PSPH: variants seen among roughly 807,000 people sequenced by gnomAD.
PSPH encodes L-3-phosphoserine phosphatase.
A neutral mutation model predicts 23.4 loss-of-function variants in PSPH; 16 were observed. That is an observed-to-expected ratio of 0.68 (90% CI 0.46 to 1.04). PSPH has a LOEUF of 1.04. PSPH is among the 50% of genes least tolerant of loss of function. The pLI, the probability that PSPH is intolerant of heterozygous loss-of-function variation, is 0.00. For synonymous variants in PSPH, 68 were observed against 99.7 expected, an observed-to-expected ratio of 0.68 and a Z score of 1.89; for missense variants, 223 against 273.7, an observed-to-expected ratio of 0.81 and a Z score of 1.31.
At chr7:56,020,942 A>G in intron 4 of PSPH, 131 bp downstream of exon 4, 2 of 1,031,442 alleles carry the variant, frequency 1.9e-6, no homozygotes, top group South Asian at 2.9e-5. Context: ...AATATGTCAA[A>G]TTCAGCTCTA....
Position 56,015,008 on chromosome 7 carries a change from AC to A in PSPH, c.570+14del, listed in dbSNP as rs1236919708. On this transcript the variant is annotated intron_variant, in intron 7 of 7. Coordinates refer to ENST00000275605, the MANE Select transcript of PSPH (RefSeq NM_004577.4). ...AAGTACAACCTGAAAAAAAATTAGCACCCTTAATACATACAGCAGGAGGACA... is the reference window on the plus strand; with the variant it reads ...AAGTACAACCTGAAAAAAAATTAGCACCTTAATACATACAGCAGGAGGACA... 6.3e-7 allele frequency: 1 copy of A among 1,581,054 alleles called. No homozygotes were observed. Among genetic ancestry groups the A allele is most frequent in the Admixed American group, 1.8e-5 (1 of 56,716 alleles).
chr7:56,040,541 A>G (rs1326663886), intron 1 of PSPH, among the ~76,000 whole-genome samples: 2 of 151,988 alleles, frequency 1.3e-5, no homozygotes, highest in African/African-American at 2.4e-5. Context: ...TAATGGAAAA[A>G]GTGGGAGAAA....
At chr7:56,048,424 G>A (rs758143083) in intron 1 of PSPH, among the ~76,000 whole-genome samples, 19 of 152,112 alleles carry the variant, frequency 1.2e-4, no homozygotes, top group Non-Finnish European at 2.4e-4. Flanking sequence ...GTTCCAGACT[G>A]AAGAACATGA....
intron 1 of PSPH, among the ~76,000 whole-genome samples, chr7:56,038,421 T>C (rs993862677): frequency 1.3e-5 from 2 of 152,118 alleles, no homozygotes; most frequent in East Asian, 3.9e-4. Context: ...ATCGCGCCAC[T>C]GCACTCTAGC....
chr7:56,026,638 TA>T (rs541093748), intron 3 of PSPH, among the ~76,000 whole-genome samples: 93 of 143,770 alleles, frequency 6.5e-4, no homozygotes, highest in Non-Finnish European at 7.2e-4. Flanking sequence ...CTGTCTCTAT[TA>T]AAAAAAAAAA....
chr7:56,036,665 C>A (rs1435032595), intron 1 of PSPH, among the ~76,000 whole-genome samples: 6 of 152,072 alleles, frequency 3.9e-5, no homozygotes, highest in African/African-American at 1.4e-4. Flanking sequence ...AAATCTGCCA[C>A]CTCTTCATGG....
At chr7:56,024,502 T>TTGGGAGGCTGAGG (rs1789911690) in intron 3 of PSPH, among the ~76,000 whole-genome samples, 1 of 152,098 alleles carries the variant, frequency 6.6e-6, no homozygotes, top group African/African-American at 2.4e-5. Flanking sequence ...TTCTAGCACT[T>TTGGGAGGCTGAGG]TGGGAGGCTG....
chr7:56,024,112 A>G (rs1789846101), intron 3 of PSPH, among the ~76,000 whole-genome samples: 1 of 151,286 alleles, frequency 6.6e-6, no homozygotes, highest in Non-Finnish European at 1.5e-5. Flanking sequence ...TATTTTTAGT[A>G]GAGACGGGGT....
chr7:56,025,888 C>T (rs1345398512), intron 3 of PSPH, among the ~76,000 whole-genome samples: 1 of 152,130 alleles, frequency 6.6e-6, no homozygotes, highest in Non-Finnish European at 1.5e-5. Context: ...AGCCACCGCA[C>T]CCGGCCTATG....
At chr7:56,012,859 T>A (rs1448653213) in intron 7 of PSPH, among the ~76,000 whole-genome samples, 1 of 149,548 alleles carries the variant, frequency 6.7e-6, no homozygotes, top group East Asian at 2.1e-4. Flanking sequence ...CCTCCCAAAG[T>A]GCTGGGATTA....
At chr7:56,027,305 A>G (rs1450685301) in intron 3 of PSPH, among the ~76,000 whole-genome samples, 1 of 152,224 alleles carries the variant, frequency 6.6e-6, no homozygotes, top group Non-Finnish European at 1.5e-5. Flanking sequence ...CCAGAATCTC[A>G]AAGCCAGTCC....
At chr7:56,029,079 T>A (rs1183475099) in intron 3 of PSPH, among the ~76,000 whole-genome samples, 1 of 152,030 alleles carries the variant, frequency 6.6e-6, no homozygotes, top group African/African-American at 2.4e-5. Flanking sequence ...CCTCCCAAAG[T>A]GCTGGGATGA....
At chr7:56,018,914 G>A (rs1788948501) in intron 5 of PSPH, among the ~76,000 whole-genome samples, 1 of 151,788 alleles carries the variant, frequency 6.6e-6, no homozygotes, top group Non-Finnish European at 1.5e-5. Context: ...ATGCTGCAGT[G>A]AGCTCTATTC....
chr7:56,028,326 G>A (rs1271015775), intron 3 of PSPH, among the ~76,000 whole-genome samples: 1 of 152,096 alleles, frequency 6.6e-6, no homozygotes, highest in African/African-American at 2.4e-5. Flanking sequence ...CCTAGGTGAA[G>A]TGATCCTCCT....
intron 1 of PSPH, among the ~76,000 whole-genome samples, chr7:56,046,887 G>A (rs1256675539): frequency 6.6e-6 from 1 of 151,798 alleles, no homozygotes; most frequent in African/African-American, 2.4e-5. Context: ...AGTAGTGAGT[G>A]GGCAAGCCTG....
At chr7:56,041,840 C>T (rs1394989642) in intron 1 of PSPH, among the ~76,000 whole-genome samples, 1 of 151,966 alleles carries the variant, frequency 6.6e-6, no homozygotes, top group Non-Finnish European at 1.5e-5. Flanking sequence ...AGGAGAACTG[C>T]TTGAACTGGG....
chr7:56,029,998 A>G (rs1790748360), intron 3 of PSPH, among the ~76,000 whole-genome samples: 1 of 151,786 alleles, frequency 6.6e-6, no homozygotes, highest in Non-Finnish European at 1.5e-5. Context: ...AAAAGAAAAA[A>G]AAAAAAAAGA....
chr7:56,037,567 T>C (rs1472352724), intron 1 of PSPH, among the ~76,000 whole-genome samples: 1 of 151,866 alleles, frequency 6.6e-6, no homozygotes, highest in Admixed American at 6.6e-5. Flanking sequence ...CACAGGTGTG[T>C]GCCACCACAC....
chr7:56,034,075 A>C lies in PSPH; in HGVS notation c.-260T>G, dbSNP rs1423637806. 2.0e-5 allele frequency: 3 copies of C among 152,344 alleles called. No individual in the cohort carries two copies. Among genetic ancestry groups the C allele is most frequent in the Non-Finnish European group, 4.4e-5 (3 of 68,152 alleles). 9.4% of individuals were successfully genotyped at this position (152,344 alleles called of 1,614,324 possible). ...CCAGGGAGGTGAGCTGTGCAGACCC[A>C]GGGCCTCCACCGAACGCTCTCTTGA... On this transcript the variant is annotated 5_prime_UTR_variant, in exon 2 of 8. Transcript: ENST00000275605.
Sources: gnomAD v4.1 joint callset for allele counts (sites outside exome capture counted in the v4.1 genomes callset) on GRCh38, gnomAD v4.1.1 for gene constraint, MANE v1.5 for transcripts, NCBI Gene and HGNC (gene_info 2026-07-23, HGNC 2026-07-21) for gene names.